Variants in SLC38A4 observed in about 807,000 individuals in gnomAD.
SLC38A4 encodes solute carrier family 38 member 4.
Under a neutral mutation model 63.1 loss-of-function variants are expected in SLC38A4, and 20 were observed. The observed-to-expected ratio is 0.32, with a 90% CI of 0.22 to 0.46. SLC38A4 has a LOEUF of 0.46. SLC38A4 is among the 20% of genes least tolerant of loss of function. The pLI is 1.00. For missense variants in SLC38A4, 526 were observed against 663.6 expected, an observed-to-expected ratio of 0.79 and a Z score of 2.28; for synonymous variants, 230 against 225.5, an observed-to-expected ratio of 1.02 and a Z score of -0.18.
chr12:46,778,203 T>G, intron 12 of SLC38A4, 86 bp downstream of exon 12: 1 of 1,302,610 alleles, frequency 7.7e-7, no homozygotes, highest in Non-Finnish European at 1.1e-6. Flanking sequence ...GAGGAAGCTA[T>G]AAACTGTGTT....
intron 12 of SLC38A4, among the ~76,000 whole-genome samples, chr12:46,777,909 C>T (rs1385676071): frequency 3.3e-5 from 5 of 151,974 alleles, no homozygotes; most frequent in South Asian, 2.1e-4. Context: ...ACTGGCTTAT[C>T]GAGGCTGCCC....
intron 2 of SLC38A4, among the ~76,000 whole-genome samples, chr12:46,802,637 T>A (rs1939153335): frequency 6.6e-6 from 1 of 151,980 alleles, no homozygotes; most frequent in South Asian, 2.1e-4. Flanking sequence ...AACTGGAGGA[T>A]CTTGAACTAT....
At chr12:46,779,758 T>A (rs1938601120) in intron 9 of SLC38A4, 22 bp downstream of exon 9, 1 of 1,590,438 alleles carries the variant, frequency 6.3e-7, no homozygotes. Flanking sequence ...TAAAAATATT[T>A]CCAGTTAGAA....
chr12:46,785,718 A>C (rs1938744687), intron 5 of SLC38A4, among the ~76,000 whole-genome samples: 1 of 149,514 alleles, frequency 6.7e-6, no homozygotes, highest in Non-Finnish European at 1.5e-5. Flanking sequence ...GAGAAAGCTA[A>C]GGATGGGGCA....
chr12:46,780,618 C>G (rs191734681), intron 7 of SLC38A4, among the ~76,000 whole-genome samples: 15 of 151,440 alleles, frequency 9.9e-5, no homozygotes, highest in African/African-American at 3.4e-4. Context: ...TTTTTTTCCC[C>G]CCTCTTCATC....
At chr12:46,819,437 A>G (rs1939499986) in intron 1 of SLC38A4, among the ~76,000 whole-genome samples, 1 of 151,960 alleles carries the variant, frequency 6.6e-6, no homozygotes, top group South Asian at 2.1e-4. Flanking sequence ...ATGTATCAAT[A>G]TATCATTCTG....
At chr12:46,793,364 A>C (rs1938930974) in intron 2 of SLC38A4, among the ~76,000 whole-genome samples, 181 bp from the exon 3 acceptor site, 1 of 152,208 alleles carries the variant, frequency 6.6e-6, no homozygotes, top group Non-Finnish European at 1.5e-5. Flanking sequence ...GAAATGGAAG[A>C]GAAGAAAGGA....
rs915096892 is a variant in SLC38A4 at position 46,831,184 on chromosome 12, T to C, written c.-108+1143A>G. ...CCTGGCCCAGAGCGCAGCGTCCACC[T>C]GTACCACCGCTAGATGAAGAGTACC... is the stretch of plus-strand genomic sequence containing the variant. On this transcript the variant is annotated intron_variant, in intron 1 of 6. Transcript: ENST00000546940. Among the ~76,000 whole-genome samples, 3 of 152,110 alleles carry C rather than the reference T, an allele frequency of 2.0e-5. 1 individual carries two copies. Among genetic ancestry groups the C allele is most frequent in the Non-Finnish European group, 4.4e-5 (3 of 68,012 alleles).
In SLC38A4 at chr12:46,779,846, C is replaced by T. The variant is rs1277043136; in HGVS notation, c.592G>A (p.Gly198Ser). ...GACACAAATATGATGAGGTAGTTGC[C>T]ATTGAGGTACCATTCTCTAGAAGTG... ...EENTGEWYLN[G>S]NYLIIFVSVG... Residue 198 changes from glycine (G) to serine (S), a missense_variant, in exon 9 of 17, where the codon GGC (glycine) becomes AGC (serine). By Grantham distance (56) the Gly-to-Ser change is moderately conservative. Transcript: ENST00000266579. 3 of 1,611,834 alleles carry T rather than the reference C, an allele frequency of 1.9e-6. No individual in the cohort carries two copies. Among genetic ancestry groups the T allele is most frequent in the Non-Finnish European group, 1.7e-6 (2 of 1,178,994 alleles).
upstream of SLC38A4, chr12:46,826,050 C>T (rs73104771): frequency 0.013 from 2,024 of 152,408 alleles, 28 homozygotes; most frequent in Non-Finnish European, 0.021. Flanking sequence ...CCCCTAGATG[C>T]TGCTGGGCGG....
In SLC38A4 at chr12:46,766,812, A is replaced by G; in HGVS notation, c.1543-10T>C. On this transcript the variant is annotated splice_polypyrimidine_tract_variant and intron_variant, in intron 16 of 16. Coordinates refer to ENST00000266579, the MANE Select transcript of SLC38A4 (RefSeq NM_018018.5). ...CAAGGAAAATTAAAGCCTGTAATTC[A>G]GAGAGACTCTGTTAGGAGCACAGAA... 1 of 1,582,908 alleles carries G rather than the reference A, an allele frequency of 6.3e-7. No individual in the cohort carries two copies. The highest frequency in any genetic ancestry group is 8.7e-7 in the Non-Finnish European group (1 of 1,153,938).
In SLC38A4 at chr12:46,770,395, A is replaced by G. The variant is rs1445003275; in HGVS notation, c.1300-967T>C. On this transcript the variant is annotated intron_variant, in intron 14 of 16. Transcript: ENST00000266579. ...CTCCCTATCAATAGATTGTAAATCT[A>G]TGAAAGGCAAGGAACAGGACCTAAT... Among the ~76,000 whole-genome samples the G allele has an allele frequency of 3.9e-5, 6 of 151,996 alleles. No individual in the cohort carries two copies. The East Asian group carries it at 1.2e-3, about 29-fold the overall frequency.
At chr12:46,808,409 A>G (rs561196611) in intron 1 of SLC38A4, among the ~76,000 whole-genome samples, 1 of 152,186 alleles carries the variant, frequency 6.6e-6, no homozygotes, top group South Asian at 2.1e-4. Context: ...GTCAACTACT[A>G]TGTTGCAAAA....
chr12:46,800,790 C>T (rs1293421494), intron 2 of SLC38A4, among the ~76,000 whole-genome samples: 1 of 152,112 alleles, frequency 6.6e-6, no homozygotes, highest in Non-Finnish European at 1.5e-5. Flanking sequence ...CCTAGTGTTA[C>T]ATTCCACTAA....
In SLC38A4 at chr12:46,823,444, G is replaced by C. The variant is rs78767628; in HGVS notation, c.-305+2459C>G. Among the ~76,000 whole-genome samples the C allele has an allele frequency of 1.4e-4, 21 of 152,290 alleles. No homozygotes were observed. In the East Asian group the frequency reaches 4.1e-3, roughly 29 times the overall value. On this transcript the variant is annotated intron_variant, in intron 1 of 16. Coordinates refer to ENST00000266579, the MANE Select transcript of SLC38A4 (RefSeq NM_018018.5). ...AGAAAAGCAGATCTACCTATAAAAA[G>C]AGTTATAAATTATTTTAGCTGTGAT...
At chr12:46,808,238 G>A (rs1413485174) in intron 1 of SLC38A4, among the ~76,000 whole-genome samples, 1 of 151,858 alleles carries the variant, frequency 6.6e-6, no homozygotes, top group East Asian at 1.9e-4. Flanking sequence ...CAGGCCCCTG[G>A]GAGAGGCTCT....
intron 1 of SLC38A4, among the ~76,000 whole-genome samples, chr12:46,814,279 A>G (rs1939393709): frequency 6.6e-6 from 1 of 151,914 alleles, no homozygotes; most frequent in Non-Finnish European, 1.5e-5. Context: ...AAGGTGAAAA[A>G]TGTGAGGATT....
Position 46,775,150 on chromosome 12 carries a change from GAAGT to G in SLC38A4, c.1194_1197del (p.Leu398PhefsTer10). ...AATGTATACACTTTGCTGTAGGCAT[GAAGT>G]AATTCATCTTCAACTTCTCCTACAA... On this transcript the variant is annotated frameshift_variant, in exon 14 of 17. Transcript: ENST00000266579. LOFTEE classifies it high-confidence loss of function. 6.2e-7 allele frequency: 1 copy of G among 1,611,930 alleles called. No homozygotes were observed. Among genetic ancestry groups the G allele is most frequent in the Non-Finnish European group, 8.5e-7 (1 of 1,178,794 alleles).
At chr12:46,809,063 G>A (rs1379107766) in intron 1 of SLC38A4, among the ~76,000 whole-genome samples, 1 of 151,916 alleles carries the variant, frequency 6.6e-6, no homozygotes, top group Non-Finnish European at 1.5e-5. Flanking sequence ...GAACAATTTT[G>A]ATGCATTTTG....
Sources: gnomAD v4.1 joint callset for allele counts (sites outside exome capture counted in the v4.1 genomes callset) on GRCh38, gnomAD v4.1.1 for gene constraint, MANE v1.5 for transcripts, NCBI Gene and HGNC (gene_info 2026-07-23, HGNC 2026-07-21) for gene names.